Variants in MTMR8 observed in about 807,000 individuals in gnomAD.
MTMR8 encodes the protein phosphatidylinositol-3,5-bisphosphate 3-phosphatase MTMR8.
Under a neutral mutation model 39.3 loss-of-function variants are expected in MTMR8, and 65 were observed. That is an observed-to-expected ratio of 1.65 (90% CI 1.35 to 2.03). The LOEUF is 2.03. Among genes scored for constraint, MTMR8 ranks in the 30% most tolerant of loss-of-function variants. The pLI is 0.00. For missense variants in MTMR8, 777 were observed against 538.9 expected (o/e 1.44, Z -4.37); for synonymous variants, 245 against 185.2 (o/e 1.32, Z -2.62).
intron 1 of MTMR8, among the ~76,000 whole-genome samples, chrX:64,380,029 T>A (rs1924370068): frequency 8.9e-6 from 1 of 111,799 alleles, no homozygotes; most frequent in Non-Finnish European, 1.9e-5. Flanking sequence ...GAGGGGCATT[T>A]CCTCAGCTTG....
intron 12 of MTMR8, among the ~76,000 whole-genome samples, chrX:64,286,272 C>A (rs1334819858): frequency 9.0e-6 from 1 of 111,137 alleles, no homozygotes; most frequent in Non-Finnish European, 1.9e-5. Context: ...CAAGAGCAAA[C>A]CAGGAAGATG....
chrX:64,352,028 T>G (rs145484710), intron 4 of MTMR8, among the ~76,000 whole-genome samples: 1 of 111,618 alleles, frequency 9.0e-6, no homozygotes, highest in African/African-American at 3.2e-5. Context: ...CAGACTACCC[T>G]TAGAAAGGCC....
chrX:64,391,487 G>T (rs1246121009), intron 1 of MTMR8, among the ~76,000 whole-genome samples: 1 of 111,961 alleles, frequency 8.9e-6, no homozygotes, highest in Non-Finnish European at 1.9e-5. Flanking sequence ...AGACAGAATA[G>T]ACATATTTTT....
intron 13 of MTMR8, among the ~76,000 whole-genome samples, chrX:64,269,419 T>A (rs1304940908): frequency 1.8e-5 from 2 of 111,632 alleles, no homozygotes; most frequent in African/African-American, 6.5e-5. Flanking sequence ...GTATTAGCTA[T>A]ATTTTACAAA....
intron 12 of MTMR8, among the ~76,000 whole-genome samples, chrX:64,308,966 CTTG>C (rs1171777282): frequency 8.9e-6 from 1 of 111,835 alleles, no homozygotes; most frequent in Non-Finnish European, 1.9e-5. Context: ...TCTATTTGTA[CTTG>C]TTGTTTGTTT....
chrX:64,388,837 T>C (rs1320877579), intron 1 of MTMR8, among the ~76,000 whole-genome samples: 1 of 112,395 alleles, frequency 8.9e-6, no homozygotes, highest in Admixed American at 9.4e-5. Flanking sequence ...ACGTTCACTA[T>C]GAATCTCCAC....
chrX:64,387,045 C>A (rs1259239918), intron 1 of MTMR8, among the ~76,000 whole-genome samples: 1 of 111,018 alleles, frequency 9.0e-6, no homozygotes. Flanking sequence ...CAGAGCAAGG[C>A]CTTGTCTCAA....
At chrX:64,326,146 A>G (rs1038467023) in intron 12 of MTMR8, among the ~76,000 whole-genome samples, 1 of 111,893 alleles carries the variant, frequency 8.9e-6, no homozygotes, top group Admixed American at 9.5e-5. Context: ...CATCATAAAC[A>G]TCTACATCTT....
At chrX:64,292,590 C>T (rs1921437496) in intron 12 of MTMR8, among the ~76,000 whole-genome samples, 1 of 110,451 alleles carries the variant, frequency 9.1e-6, no homozygotes, top group Non-Finnish European at 1.9e-5. Context: ...GATCATTTAC[C>T]CTCTGCTTTG....
intron 12 of MTMR8, among the ~76,000 whole-genome samples, chrX:64,288,270 C>T (rs754302175): frequency 9.9e-5 from 11 of 110,840 alleles, no homozygotes; most frequent in African/African-American, 3.6e-4. Context: ...TGAAACAATG[C>T]TCATCACCAC....
At chrX:64,279,465 G>T (rs756435857) in intron 12 of MTMR8, among the ~76,000 whole-genome samples, 20 of 111,794 alleles carry the variant, frequency 1.8e-4, no homozygotes, top group African/African-American at 5.8e-4. Context: ...ACAAAATATT[G>T]TTGAAAGAAT....
At chrX:64,390,588 A>T (rs1924666799) in intron 1 of MTMR8, among the ~76,000 whole-genome samples, 1 of 111,960 alleles carries the variant, frequency 8.9e-6, no homozygotes, top group Non-Finnish European at 1.9e-5. Context: ...TCACTAGATG[A>T]TCTTTATTTA....
In MTMR8 at chrX:64,360,254, G is replaced by C. The variant is rs1045419362; in HGVS notation, c.25-727C>G. The C allele has an allele frequency of 1.8e-5, 3 of 165,327 alleles. No homozygotes were observed. The Admixed American group carries it at 2.3e-4, about 13-fold the overall frequency. 13.6% of individuals were successfully genotyped at this position (165,327 alleles called of 1,213,427 possible). ...AAAATCAACAGGACAAGAAGATATA[G>C]CCATCATAAATATAAACATATTGTA... On this transcript the variant is annotated intron_variant, in intron 1 of 13. Coordinates refer to ENST00000374852, the MANE Select transcript of MTMR8 (RefSeq NM_017677.4).
chrX:64,364,601 T>A (rs1194478887), intron 1 of MTMR8, among the ~76,000 whole-genome samples: 3 of 111,242 alleles, frequency 2.7e-5, no homozygotes, highest in Non-Finnish European at 5.7e-5. Context: ...CAAAATCCCA[T>A]CTGTACGTAA....
intron 2 of MTMR8, among the ~76,000 whole-genome samples, chrX:64,358,136 C>G (rs1026940564): frequency 9.0e-6 from 1 of 111,689 alleles, no homozygotes; most frequent in African/African-American, 3.3e-5. Flanking sequence ...AGAACTGGTT[C>G]CTAAACTGTT....
At position 64,337,589 on chromosome X, in the gene MTMR8, A is replaced by T. The variant is rs191777464; in HGVS notation, c.976-196T>A. ...GAGTTCAAGAGAAGGAGAGCTTACC[A>T]CATAGGAAAAGAATATCAAAACTAA... is the stretch of plus-strand genomic sequence containing the variant. On this transcript the variant is annotated intron_variant, in intron 8 of 13. Coordinates refer to ENST00000374852, the MANE Select transcript of MTMR8 (RefSeq NM_017677.4). Among the ~76,000 whole-genome samples the T allele has an allele frequency of 3.9e-3, 434 of 112,081 alleles. 1 individual carries two copies. The highest frequency in any genetic ancestry group is 6.6e-3 in the Non-Finnish European group (351 of 53,254).
At chrX:64,324,092 G>A (rs942902760) in intron 12 of MTMR8, among the ~76,000 whole-genome samples, 2 of 112,935 alleles carry the variant, frequency 1.8e-5, no homozygotes, top group African/African-American at 6.4e-5. Flanking sequence ...CCCAGGCACA[G>A]TAGCTTATGC....
chrX:64,281,270 G>A (rs1036295991), intron 12 of MTMR8, among the ~76,000 whole-genome samples: 2 of 111,678 alleles, frequency 1.8e-5, no homozygotes, highest in Non-Finnish European at 3.8e-5. Context: ...AACACAGCTA[G>A]AGGTATCACA....
At chrX:64,393,722 G>A (rs1050062808) in intron 1 of MTMR8, among the ~76,000 whole-genome samples, 3 of 111,874 alleles carry the variant, frequency 2.7e-5, no homozygotes, top group Non-Finnish European at 3.8e-5. Flanking sequence ...AGGCTGGCTG[G>A]CTTTTACACG....
Sources: gnomAD v4.1 joint callset for allele counts (sites outside exome capture counted in the v4.1 genomes callset) on GRCh38, gnomAD v4.1.1 for gene constraint, MANE v1.5 for transcripts, NCBI Gene and HGNC (gene_info 2026-07-23, HGNC 2026-07-21) for gene names.